EPB41: variants seen among roughly 807,000 people sequenced by gnomAD.
EPB41 encodes the protein protein 4.1.
Under a neutral mutation model 108.0 loss-of-function variants are expected in EPB41, and 65 were observed. The ratio of observed to expected loss-of-function variants is 0.60; its 90% CI spans 0.49 to 0.74. The LOEUF is 0.74. Among genes scored for constraint, EPB41 ranks in the 30% least tolerant of loss-of-function variants. The pLI is 0.00. For missense variants in EPB41, 875 were observed against 1,037.0 expected (o/e 0.84, Z 2.15); for synonymous variants, 336 against 358.9 (o/e 0.94, Z 0.72).
chr1:28,931,530 ATT>A (rs201647126), intron 1 of EPB41, among the ~76,000 whole-genome samples: 20 of 141,196 alleles, frequency 1.4e-4, no homozygotes, highest in East Asian at 4.2e-4. Flanking sequence ...TGACTTTGTA[ATT>A]TTTTTTTTTT....
At chr1:28,959,651 G>C (rs2095118522) in intron 1 of EPB41, among the ~76,000 whole-genome samples, 1 of 152,152 alleles carries the variant, frequency 6.6e-6, no homozygotes, top group Non-Finnish European at 1.5e-5. Flanking sequence ...GTGAATTAGA[G>C]CAGAAACAGT....
At chr1:29,038,944 C>G (rs1290653923) in intron 10 of EPB41, among the ~76,000 whole-genome samples, 1 of 152,036 alleles carries the variant, frequency 6.6e-6, no homozygotes, top group Non-Finnish European at 1.5e-5. Flanking sequence ...GGTTCAGTTT[C>G]CTATATCTAT....
chr1:28,889,957 G>T (rs1159537383), intron 1 of EPB41: 1 of 267,478 alleles, frequency 3.7e-6, no homozygotes, highest in Non-Finnish European at 5.8e-6. Context: ...CAGTTCCTGG[G>T]GATAGGGGAG....
chr1:29,063,460 A>G (rs933028294), intron 15 of EPB41, among the ~76,000 whole-genome samples: 2 of 152,232 alleles, frequency 1.3e-5, no homozygotes, highest in Non-Finnish European at 2.9e-5. Flanking sequence ...AATTTTCTGA[A>G]TGAATATCTA....
chr1:29,029,028 T>TGA (rs1405466714), intron 7 of EPB41, among the ~76,000 whole-genome samples: 7 of 142,870 alleles, frequency 4.9e-5, no homozygotes, highest in African/African-American at 1.8e-4. Flanking sequence ...GGTGACAGAG[T>TGA]GAGACCCTGT....
At chr1:28,931,234 C>T (rs959942607) in intron 1 of EPB41, among the ~76,000 whole-genome samples, 4 of 151,614 alleles carry the variant, frequency 2.6e-5, no homozygotes, top group African/African-American at 9.7e-5. Flanking sequence ...CACACCTCTA[C>T]AAAAAATTTA....
intron 7 of EPB41, among the ~76,000 whole-genome samples, chr1:29,027,110 CTTAAG>C (rs2096729087): frequency 6.7e-6 from 1 of 150,250 alleles, no homozygotes; most frequent in Non-Finnish European, 1.5e-5. Context: ...AAAAAAAATT[CTTAAG>C]TTAGAATTAC....
Position 29,109,980 on chromosome 1 carries a change from G to A in EPB41, c.2415+543G>A, listed in dbSNP as rs536771692. Among the ~76,000 whole-genome samples, 104 of 152,274 alleles carry A rather than the reference G, an allele frequency of 6.8e-4. 1 individual carries two copies. Among genetic ancestry groups the A allele is most frequent in the African/African-American group, 2.5e-3 (102 of 41,564 alleles). The stretch of plus-strand genomic sequence containing the variant: ...ACCCAGGAAGCAGAGATTACAGTGA[G>A]CAGAGATTGCGCCACTGCACTCCAG... On this transcript the variant is annotated intron_variant, in intron 18 of 20. Coordinates refer to ENST00000343067, the MANE Select transcript of EPB41 (RefSeq NM_001376013.1).
At chr1:29,096,021 T>G (rs61783685) in intron 16 of EPB41, 33,116 of 419,020 alleles carry the variant, frequency 0.079, 1,472 homozygotes, top group Non-Finnish European at 0.094. Flanking sequence ...TTTGACCATG[T>G]TATCAGCTAA....
At chr1:28,944,323 A>G (rs542555232) in intron 1 of EPB41, among the ~76,000 whole-genome samples, 1 of 152,292 alleles carries the variant, frequency 6.6e-6, no homozygotes, top group South Asian at 2.1e-4. Flanking sequence ...TAGGGTGACT[A>G]TAGTCAATTA....
chr1:29,094,313 A>G (rs566328877), intron 16 of EPB41, among the ~76,000 whole-genome samples: 31 of 151,254 alleles, frequency 2.0e-4, no homozygotes, highest in African/African-American at 3.6e-4. Flanking sequence ...GTCTCATTCT[A>G]TCACCCAGGC....
At chr1:29,019,012 A>G (rs1169782512) in intron 7 of EPB41, among the ~76,000 whole-genome samples, 1 of 152,192 alleles carries the variant, frequency 6.6e-6, no homozygotes, top group African/African-American at 2.4e-5. Context: ...CGTTGGTTCC[A>G]ACCTTGTGAC....
At position 28,887,352 on chromosome 1, in the gene EPB41, G is replaced by T; in HGVS notation, c.-8+142G>T. The T allele has an allele frequency of 8.7e-7, 1 of 1,150,316 alleles. No individual in the cohort carries two copies. Among genetic ancestry groups the T allele is most frequent in the South Asian group, 1.7e-5 (1 of 58,498 alleles). 71.3% of individuals were successfully genotyped at this position (1,150,316 alleles called of 1,614,324 possible). On this transcript the variant is annotated intron_variant, in intron 1 of 16. Coordinates refer to the EPB41 transcript ENST00000347529. This position sits in a 1 kb window ranked among gnomAD's most constrained non-coding sequence, Gnocchi z 4.9. ...AGGGTCCAGGGCTGAGGGGTCCAGC[G>T]GTCCCGAATTCCAGAATCCGAACTT...
intron 1 of EPB41, among the ~76,000 whole-genome samples, chr1:28,962,446 TGTACACTAAAA>T (rs1280914005): frequency 6.6e-6 from 1 of 152,198 alleles, no homozygotes; most frequent in African/African-American, 2.4e-5. Context: ...AATTCTACAC[TGTACACTAAAA>T]TGTGTAACTT....
rs11810163 is a variant in EPB41 at position 29,030,302 on chromosome 1, A to G, written c.1125-98A>G. On this transcript the variant is annotated intron_variant, in intron 7 of 20. Coordinates refer to ENST00000343067, the MANE Select transcript of EPB41 (RefSeq NM_001376013.1). ...AATATATCTTAATATAGTGGTATGT[A>G]TATGTTCATGTGTTTAAAATACAGT... is the stretch of plus-strand genomic sequence containing the variant. 1,622 of 927,254 alleles carry G rather than the reference A, an allele frequency of 1.7e-3. 12 individuals are homozygous for G. The African/African-American group carries it at 0.023, about 13-fold the overall frequency. The allele number at this position is 927,254 out of a possible 1,614,324, so 57.4% of individuals were successfully genotyped here.
chr1:28,908,188 G>T (rs905524557), intron 1 of EPB41, among the ~76,000 whole-genome samples: 5 of 151,812 alleles, frequency 3.3e-5, no homozygotes, highest in Non-Finnish European at 7.4e-5. Context: ...GATCACCTGA[G>T]GTCAGGAGTT....
In EPB41 at chr1:29,033,179, T is replaced by G. The variant is rs2096812205; in HGVS notation, c.1299T>G (p.Pro433=). 2 of 1,614,038 alleles carry G rather than the reference T, an allele frequency of 1.2e-6. No homozygotes were observed. The highest frequency in any genetic ancestry group is 1.7e-6 in the Non-Finnish European group (2 of 1,179,948). ...YKDKLRINRF[P]WPKVLKISYK... Reference sequence around the variant, plus strand: ...ATAAGCTGAGAATTAACCGCTTCCCTTGGCCCAAAGTGCTGAAGATTTCTT... The same window carrying G: ...ATAAGCTGAGAATTAACCGCTTCCCGTGGCCCAAAGTGCTGAAGATTTCTT... The change falls in exon 9 of 21, where the codon CCT becomes CCG. Residue 433 remains proline (P), a synonymous_variant. Transcript: ENST00000343067.
chr1:28,937,069 C>T (rs1385241667), intron 1 of EPB41, among the ~76,000 whole-genome samples: 1 of 152,172 alleles, frequency 6.6e-6, no homozygotes, highest in Non-Finnish European at 1.5e-5. Context: ...TCCTTACTAA[C>T]ACTTGTTTTC....
chr1:29,086,169 C>A (rs565655193), intron 16 of EPB41, among the ~76,000 whole-genome samples: 1 of 151,756 alleles, frequency 6.6e-6, no homozygotes, highest in African/African-American at 2.4e-5. Context: ...GTAATACATA[C>A]TTGTTTTAGA....
Sources: allele counts gnomAD v4.1 joint callset (sites outside exome capture counted in the v4.1 genomes callset), GRCh38; gene constraint gnomAD v4.1.1; non-coding constraint Gnocchi (gnomAD v3.1); transcripts MANE v1.5; gene names NCBI Gene and HGNC (gene_info 2026-07-23, HGNC 2026-07-21).